Variants in MECOM observed in about 807,000 individuals in gnomAD.
MECOM encodes MDS1 and EVI1 complex locus, also known as histone-lysine N-methyltransferase MECOM.
Under a neutral mutation model 116.3 loss-of-function variants are expected in MECOM, and 13 were observed. The observed-to-expected ratio is 0.11, with a 90% CI of 0.07 to 0.18. The LOEUF (loss-of-function observed/expected upper bound fraction) is 0.18. MECOM is among the 10% of genes least tolerant of loss of function. The probability of loss-of-function intolerance (pLI) is 1.00; values close to 1 mark genes in which losing one functional copy is unlikely to be tolerated. For synonymous variants in MECOM, 528 were observed against 535.2 expected, an observed-to-expected ratio of 0.99 and a Z score of 0.19; for missense variants, 1,299 against 1,509.0, an observed-to-expected ratio of 0.86 and a Z score of 2.31.
At chr3:169,261,655 C>T (rs929576306) in intron 2 of MECOM, among the ~76,000 whole-genome samples, 3 of 151,958 alleles carry the variant, frequency 2.0e-5, no homozygotes, top group Admixed American at 1.3e-4. Context: ...GAGCCGATAT[C>T]GTGCCATTGC....
rs368016499 is a variant in MECOM, at chr3:169,576,838, C to CACACACAGAGAGAGAG, written c.37+86497_37+86498insCTCTCTCTCTGTGTGT. 1.3e-3 allele frequency among the ~76,000 whole-genome samples: 163 copies of CACACACAGAGAGAGAG among 125,078 alleles called. 1 individual carries two copies. Among genetic ancestry groups the CACACACAGAGAGAGAG allele is most frequent in the Admixed American group, 4.9e-3 (59 of 12,074 alleles). The allele number at this position is 125,078 out of a possible 152,430, so 82.1% of individuals were successfully genotyped here. Reference sequence around the variant, plus strand: ...ACACACACACACACACACACACACACAGAGAGAGAGAGAGAGAGTTAAGAG... The same window carrying CACACACAGAGAGAGAG: ...ACACACACACACACACACACACACACACACACAGAGAGAGAGAGAGAGAGAGAGAGAGAGTTAAGAG... On this transcript the variant is annotated intron_variant, in intron 1 of 16. Coordinates refer to ENST00000651503, the MANE Select transcript of MECOM (RefSeq NM_004991.4).
In MECOM at chr3:169,545,378, A is replaced by G. The variant is rs11925551; in HGVS notation, c.37+117958T>C. On this transcript the variant is annotated intron_variant, in intron 1 of 16. Transcript: ENST00000651503. ...TCAATTTAAACACCCCAGGGGTATA[A>G]TCCTTAGCTCCTAAAGGGAGAATAA... Among the ~76,000 whole-genome samples, 890 of 152,318 alleles carry G rather than the reference A, an allele frequency of 5.8e-3. 9 individuals are homozygous for G. Among genetic ancestry groups the G allele is most frequent in the African/African-American group, 0.021 (853 of 41,582 alleles).
chr3:169,420,013 C>T (rs1739432412), intron 1 of MECOM, among the ~76,000 whole-genome samples: 2 of 152,170 alleles, frequency 1.3e-5, no homozygotes, highest in African/African-American at 2.4e-5. Flanking sequence ...AATAAAAGCT[C>T]ATCATCACTG....
intron 1 of MECOM, among the ~76,000 whole-genome samples, chr3:169,584,777 A>G (rs1041288059): frequency 6.6e-6 from 1 of 152,192 alleles, no homozygotes; most frequent in African/African-American, 2.4e-5. Flanking sequence ...TCTGTAATCA[A>G]TAATGCTAAA....
chr3:169,387,416 G>T (rs1262493179), intron 1 of MECOM, among the ~76,000 whole-genome samples: 1 of 151,992 alleles, frequency 6.6e-6, no homozygotes, highest in Non-Finnish European at 1.5e-5. Context: ...GTTTCTTTTG[G>T]CCTTTCCGCC....
At chr3:169,087,693 A>T (rs1718290125) in intron 16 of MECOM, among the ~76,000 whole-genome samples, 1 of 152,202 alleles carries the variant, frequency 6.6e-6, no homozygotes, top group Non-Finnish European at 1.5e-5. Context: ...AGGGTTAAAA[A>T]AAAATACTAG....
At chr3:169,479,652 T>TAA (rs3042768) in intron 1 of MECOM, among the ~76,000 whole-genome samples, 3,144 of 126,516 alleles carry the variant, frequency 0.025, 41 homozygotes, top group Non-Finnish European at 0.029. Context: ...TTCTCTTACC[T>TAA]AAAAAAAAAA....
chr3:169,437,982 A>C (rs769996015), intron 1 of MECOM, among the ~76,000 whole-genome samples: 4 of 152,192 alleles, frequency 2.6e-5, no homozygotes, highest in Non-Finnish European at 5.9e-5. Context: ...TGAGCCAAAC[A>C]CTAGTTTTAG....
At chr3:169,507,842 G>T (rs909316997) in intron 1 of MECOM, among the ~76,000 whole-genome samples, 7 of 147,002 alleles carry the variant, frequency 4.8e-5, no homozygotes, top group Non-Finnish European at 7.5e-5. Context: ...TTGTATTTTT[G>T]ATAGAGACGG....
chr3:169,130,449 A>AGCGCCCC (rs71634424), intron 4 of MECOM, among the ~76,000 whole-genome samples: 2 of 151,856 alleles, frequency 1.3e-5, no homozygotes, highest in African/African-American at 4.8e-5. Flanking sequence ...GAGTACCAAA[A>AGCGCCCC]GCGCCCCCCG....
At chr3:169,539,651 G>A (rs1161469554) in intron 1 of MECOM, among the ~76,000 whole-genome samples, 2 of 151,928 alleles carry the variant, frequency 1.3e-5, no homozygotes, top group African/African-American at 4.8e-5. Flanking sequence ...ATTCTCTTTG[G>A]ATACTATAAC....
intron 2 of MECOM, among the ~76,000 whole-genome samples, chr3:169,227,886 C>T (rs563134703): frequency 8.0e-4 from 122 of 152,068 alleles, no homozygotes; most frequent in Non-Finnish European, 9.4e-4. Context: ...AAAGTGAGCC[C>T]AAAACAAAGG....
At chr3:169,131,936 C>T (rs1220459267) in intron 3 of MECOM, 6 of 999,000 alleles carry the variant, frequency 6.0e-6, no homozygotes, top group Middle Eastern at 5.1e-4. Flanking sequence ...CCTAGCTTAC[C>T]TTGTACCTTC....
chr3:169,434,534 G>C (rs1202832042), intron 1 of MECOM, among the ~76,000 whole-genome samples: 1 of 151,738 alleles, frequency 6.6e-6, no homozygotes, highest in South Asian at 2.1e-4. Flanking sequence ...AATGAATTTT[G>C]GTCATTAGAA....
intron 1 of MECOM, among the ~76,000 whole-genome samples, chr3:169,416,582 T>C (rs561377140): frequency 6.7e-6 from 1 of 149,406 alleles, no homozygotes; most frequent in Admixed American, 6.7e-5. Flanking sequence ...AATCAATGAA[T>C]CCAGGAGCTG....
At chr3:169,627,416 G>C (rs1287305986) in intron 1 of MECOM, among the ~76,000 whole-genome samples, 3 of 152,210 alleles carry the variant, frequency 2.0e-5, no homozygotes, top group Non-Finnish European at 4.4e-5. Flanking sequence ...CTTAATTAAT[G>C]CTTTTCTACA....
chr3:169,517,979 G>A (rs1394440031), intron 1 of MECOM, among the ~76,000 whole-genome samples: 1 of 152,152 alleles, frequency 6.6e-6, no homozygotes, highest in Non-Finnish European at 1.5e-5. Flanking sequence ...AGTTGACAGG[G>A]CCGGGCGCTA....
At chr3:169,099,047 G>A (rs1286651180) in intron 12 of MECOM, among the ~76,000 whole-genome samples, 1 of 150,596 alleles carries the variant, frequency 6.6e-6, no homozygotes, top group Non-Finnish European at 1.5e-5. Flanking sequence ...TTATTATTGT[G>A]GTGTCCTACT....
chr3:169,214,927 T>C (rs937246438), intron 2 of MECOM, among the ~76,000 whole-genome samples: 3 of 148,302 alleles, frequency 2.0e-5, no homozygotes, highest in African/African-American at 4.9e-5. Flanking sequence ...TACATATATA[T>C]ACACACATAT....
Sources: allele counts gnomAD v4.1 joint callset (sites outside exome capture counted in the v4.1 genomes callset), GRCh38; gene constraint gnomAD v4.1.1; transcripts MANE v1.5; gene names NCBI Gene and HGNC (gene_info 2026-07-23, HGNC 2026-07-21).